MGAT4C: variants seen among roughly 807,000 people sequenced by gnomAD.
MGAT4C encodes the protein alpha-1,3-mannosyl-glycoprotein 4-beta-N-acetylglucosaminyltransferase C.
In MGAT4C, 19 loss-of-function variants were observed where a neutral mutation model predicts 40.1. The observed-to-expected ratio is 0.47, with a 90% CI of 0.33 to 0.70. MGAT4C has a LOEUF of 0.70. MGAT4C is among the 30% of genes least tolerant of loss of function. The probability of loss-of-function intolerance (pLI) is 0.02; values close to 1 mark genes in which losing one functional copy is unlikely to be tolerated. For synonymous variants in MGAT4C, 181 were observed against 187.1 expected (o/e 0.97, Z 0.27); for missense variants, 491 against 563.2 (o/e 0.87, Z 1.30).
upstream of MGAT4C, among the ~76,000 whole-genome samples, chr12:86,261,297 A>G (rs1033544183): frequency 1.3e-5 from 2 of 152,122 alleles, no homozygotes; most frequent in African/African-American, 4.8e-5. Context: ...AAGACCTTAT[A>G]TAATGCCAGA....
rs59869666 is a variant in MGAT4C, at chr12:86,739,133, C to CAAAAAAAAAAAAAAA, written c.-261-11907_-261-11893dup. On this transcript the variant is annotated intron_variant, in intron 1 of 7. Coordinates refer to the MGAT4C transcript ENST00000548651. ...TTTAATTCAGCTATGTTTCCCTGTGCAAAAAAAAAAAAAAAAAAAAAAAAA... is the reference window on the plus strand; with the variant it reads ...TTTAATTCAGCTATGTTTCCCTGTGCAAAAAAAAAAAAAAAAAAAAAAAAAAAAAAAAAAAAAAAA... 1.0e-3 allele frequency among the ~76,000 whole-genome samples: 41 copies of CAAAAAAAAAAAAAAA among 39,792 alleles called. 2 individuals are homozygous for CAAAAAAAAAAAAAAA. The highest frequency in any genetic ancestry group is 1.5e-3 in the African/African-American group (14 of 9,508). 26.1% of individuals were successfully genotyped at this position (39,792 alleles called of 152,430 possible).
chr12:86,706,552 C>T (rs1044162572), intron 2 of MGAT4C, among the ~76,000 whole-genome samples: 1 of 152,044 alleles, frequency 6.6e-6, no homozygotes, highest in Non-Finnish European at 1.5e-5. Context: ...GCCACCACAC[C>T]CAGCCTTATA....
chr12:86,638,641 C>T (rs1963292260), intron 2 of MGAT4C, among the ~76,000 whole-genome samples: 1 of 151,726 alleles, frequency 6.6e-6, no homozygotes, highest in South Asian at 2.1e-4. Context: ...AAAAGAACTG[C>T]CAAGTTTAAT....
chr12:86,829,862 C>T (rs1285247430), intron 1 of MGAT4C, among the ~76,000 whole-genome samples: 1 of 148,660 alleles, frequency 6.7e-6, no homozygotes. Flanking sequence ...GTTTTTCTTA[C>T]CCAAAGACAG....
chr12:86,534,643 G>T (rs1959040354), intron 2 of MGAT4C, among the ~76,000 whole-genome samples: 1 of 151,970 alleles, frequency 6.6e-6, no homozygotes, highest in Non-Finnish European at 1.5e-5. Context: ...TTGAATAATT[G>T]CCCATAGTTA....
At position 86,035,205 on chromosome 12, in the gene MGAT4C, C is replaced by A. The variant is rs1366777947; in HGVS notation, c.-7+14469G>T. On this transcript the variant is annotated intron_variant, in intron 2 of 4. Coordinates refer to ENST00000611864, the MANE Select transcript of MGAT4C (RefSeq NM_001351288.2). ...TCCTACCAGCAGTGTAAAAGCATTT[C>A]TATTTTTCCACAACCTCTCCAGCAT... 2.0e-5 allele frequency among the ~76,000 whole-genome samples: 3 copies of A among 150,170 alleles called. 1 individual carries two copies. The Admixed American group carries it at 2.0e-4, about 10-fold the overall frequency.
chr12:86,409,339 A>G (rs1406258733), intron 3 of MGAT4C, among the ~76,000 whole-genome samples: 1 of 152,200 alleles, frequency 6.6e-6, no homozygotes, highest in Non-Finnish European at 1.5e-5. Context: ...CAAGAGCGTA[A>G]TGATAATGCA....
intron 1 of MGAT4C, among the ~76,000 whole-genome samples, chr12:86,837,994 T>A (rs1447213274): frequency 6.6e-6 from 1 of 152,224 alleles, no homozygotes; most frequent in Non-Finnish European, 1.5e-5. Context: ...TGTACTTCTA[T>A]GAAAGGCATT....
At chr12:86,643,573 T>A (rs537391624) in intron 2 of MGAT4C, among the ~76,000 whole-genome samples, 62 of 151,894 alleles carry the variant, frequency 4.1e-4, no homozygotes, top group African/African-American at 1.3e-3. Flanking sequence ...TTATACTAAA[T>A]GAAACAAGCT....
chr12:86,585,111 TTAATG>T (rs1960960002), intron 2 of MGAT4C, among the ~76,000 whole-genome samples: 1 of 151,396 alleles, frequency 6.6e-6, no homozygotes, highest in African/African-American at 2.4e-5. Flanking sequence ...AAATTTTAAT[TTAATG>T]TAATTTGTAC....
chr12:86,640,765 CT>C lies in MGAT4C; in HGVS notation c.-229+86443del, dbSNP rs1270564726. Reference sequence around the variant, plus strand: ...AGTGCTATAAATTTCCTTCTACACACTGCTTTGAATGTGTCCCAGAGATTCT... The same window carrying C: ...AGTGCTATAAATTTCCTTCTACACACGCTTTGAATGTGTCCCAGAGATTCT... On this transcript the variant is annotated intron_variant, in intron 2 of 7. Coordinates refer to the MGAT4C transcript ENST00000548651. Among the ~76,000 whole-genome samples the C allele has an allele frequency of 4.0e-5, 6 of 151,756 alleles. No individual in the cohort carries two copies. The East Asian group carries it at 1.2e-3, about 29-fold the overall frequency.
intron 3 of MGAT4C, among the ~76,000 whole-genome samples, chr12:86,401,912 C>T (rs1956371479): frequency 6.6e-6 from 1 of 152,038 alleles, no homozygotes; most frequent in African/African-American, 2.4e-5. Flanking sequence ...TTCTAAGAAA[C>T]AATTTGATAA....
intron 2 of MGAT4C, among the ~76,000 whole-genome samples, chr12:86,481,513 A>G (rs910593743): frequency 6.6e-6 from 1 of 152,058 alleles, no homozygotes; most frequent in Non-Finnish European, 1.5e-5. Context: ...TCAAAGAGAT[A>G]CACAATATTT....
intron 2 of MGAT4C, among the ~76,000 whole-genome samples, chr12:86,680,209 T>G (rs959652554): frequency 6.6e-6 from 1 of 152,052 alleles, no homozygotes; most frequent in African/African-American, 2.4e-5. Flanking sequence ...TTTAAATGCA[T>G]GCAGACACAT....
In MGAT4C at chr12:85,959,020, CACTAT is replaced by C. The variant is rs1882968907; in HGVS notation, c.*20264_*20268del. On this transcript the variant is annotated 3_prime_UTR_variant, in exon 5 of 5. Coordinates refer to ENST00000611864, the MANE Select transcript of MGAT4C (RefSeq NM_001351288.2). ...GCTATGTTATTAAATCTCTGGTAACCACTATACAATACAATACAATACAATACAAT... is the reference window on the plus strand; with the variant it reads ...GCTATGTTATTAAATCTCTGGTAACCACAATACAATACAATACAATACAAT... The C allele has an allele frequency of 8.3e-6, 1 of 120,782 alleles. No individual in the cohort carries two copies. The highest frequency in any genetic ancestry group is 2.5e-4 in the South Asian group (1 of 3,984). 7.5% of individuals were successfully genotyped at this position (120,782 alleles called of 1,614,324 possible).
intron 1 of MGAT4C, among the ~76,000 whole-genome samples, chr12:86,211,800 T>A (rs1050433632): frequency 7.9e-5 from 12 of 152,116 alleles, no homozygotes; most frequent in Non-Finnish European, 1.3e-4. Flanking sequence ...TTTTGTTTTT[T>A]TTTTCCTACA....
At chr12:86,625,007 C>T (rs957248956) in intron 2 of MGAT4C, among the ~76,000 whole-genome samples, 5 of 152,024 alleles carry the variant, frequency 3.3e-5, no homozygotes, top group African/African-American at 4.8e-5. Flanking sequence ...ATCATGAGGG[C>T]GGTTTTCCCC....
At chr12:86,775,879 TGA>T (rs1951740140) in intron 1 of MGAT4C, among the ~76,000 whole-genome samples, 1 of 151,592 alleles carries the variant, frequency 6.6e-6, no homozygotes, top group Non-Finnish European at 1.5e-5. Flanking sequence ...TGTAATTACT[TGA>T]GTCATTATCA....
chr12:86,682,799 C>T (rs1950005211), intron 2 of MGAT4C, among the ~76,000 whole-genome samples: 1 of 152,082 alleles, frequency 6.6e-6, no homozygotes, highest in Non-Finnish European at 1.5e-5. Flanking sequence ...AACAAAGTAA[C>T]CTCCAGTTAA....
Sources: allele counts gnomAD v4.1 joint callset (sites outside exome capture counted in the v4.1 genomes callset), GRCh38; gene constraint gnomAD v4.1.1; transcripts MANE v1.5; gene names NCBI Gene and HGNC (gene_info 2026-07-23, HGNC 2026-07-21).